ARFGEF1: variants seen among roughly 807,000 people sequenced by gnomAD.
ARFGEF1 encodes brefeldin A-inhibited guanine nucleotide-exchange protein 1.
Under a neutral mutation model 231.0 loss-of-function variants are expected in ARFGEF1, and 42 were observed. The ratio of observed to expected loss-of-function variants is 0.18; its 90% CI spans 0.14 to 0.24. The LOEUF (loss-of-function observed/expected upper bound fraction) is 0.24. Ranked by LOEUF, ARFGEF1 falls within the 10% of genes least tolerant of loss-of-function variation. The pLI is 1.00. For synonymous variants in ARFGEF1, 710 were observed against 732.3 expected, an observed-to-expected ratio of 0.97 and a Z score of 0.49; for missense variants, 1,345 against 2,192.0, an observed-to-expected ratio of 0.61 and a Z score of 7.72.
chr8:67,206,949 G>C (rs1005259525), intron 34 of ARFGEF1: 2 of 152,120 alleles, frequency 1.3e-5, no homozygotes, highest in Non-Finnish European at 2.9e-5. Flanking sequence ...AGGGATTTTG[G>C]GGGGCAGAAA....
In ARFGEF1 at chr8:67,228,292, A is replaced by G. The variant is rs774610547; in HGVS notation, c.3381-28T>C. On this transcript the variant is annotated intron_variant, in intron 23 of 38. Transcript: ENST00000262215. Reference sequence around the variant, plus strand: ...AGGGAAAATAAAACACAATTTAAAAAATTTATAAGTTACTGTTCTTATTCC... The same window carrying G: ...AGGGAAAATAAAACACAATTTAAAAGATTTATAAGTTACTGTTCTTATTCC... The G allele has an allele frequency of 5.0e-6, 8 of 1,585,518 alleles. No homozygotes were observed. In the African/African-American group the frequency reaches 8.1e-5, roughly 16 times the overall value.
At position 67,343,556 on chromosome 8, in the gene ARFGEF1, T is replaced by G; in HGVS notation, c.-269A>C. The G allele has an allele frequency of 8.9e-7, 1 of 1,120,016 alleles. No homozygotes were observed. Among genetic ancestry groups the G allele is most frequent in the African/African-American group, 1.7e-5 (1 of 60,186 alleles). The allele number at this position is 1,120,016 out of a possible 1,614,324, so 69.4% of individuals were successfully genotyped here. A position where few individuals can be genotyped will look rare whatever the true frequency, so the allele number is the denominator to read the frequency against. On this transcript the variant is annotated 5_prime_UTR_variant, in exon 1 of 39. Transcript: ENST00000262215. ...GCCTCCGCTTCTCCCGGCCCGGGGGTCGCGTCCCGGCCGCCCCTCTCACTC... is the reference window on the plus strand; with the variant it reads ...GCCTCCGCTTCTCCCGGCCCGGGGGGCGCGTCCCGGCCGCCCCTCTCACTC...
In ARFGEF1 at chr8:67,201,712, G is replaced by T. The variant is rs565225503; in HGVS notation, c.5129-107C>A. ...TGTTTGTGCTCAGCCATCAGCATCTGCTGCTTACAAAACGGAGCCACAGCA... is the reference window on the plus strand; with the variant it reads ...TGTTTGTGCTCAGCCATCAGCATCTTCTGCTTACAAAACGGAGCCACAGCA... On this transcript the variant is annotated intron_variant, in intron 36 of 38. Coordinates refer to ENST00000262215, the MANE Select transcript of ARFGEF1 (RefSeq NM_006421.5). 2.7e-5 allele frequency: 40 copies of T among 1,458,022 alleles called. No individual in the cohort carries two copies. In the South Asian group the frequency reaches 4.9e-4, roughly 18 times the overall value. The allele number at this position is 1,458,022 out of a possible 1,614,324, so 90.3% of individuals were successfully genotyped here.
At chr8:67,183,324 C>T (rs1833509929) in intron 5 of ARFGEF1, among the ~76,000 whole-genome samples, 1 of 152,182 alleles carries the variant, frequency 6.6e-6, no homozygotes, top group Non-Finnish European at 1.5e-5. Flanking sequence ...AAGACAACTT[C>T]ATTAACAACA....
intron 5 of ARFGEF1, among the ~76,000 whole-genome samples, chr8:67,184,705 CAG>C (rs1356792730): frequency 6.7e-6 from 1 of 149,536 alleles, no homozygotes; most frequent in Non-Finnish European, 1.5e-5. Flanking sequence ...GCCTGCATGA[CAG>C]AGTGAGATTC....
chr8:67,201,772 C>T (rs1237623172), intron 36 of ARFGEF1, 167 bp from the exon 37 acceptor site: 5 of 872,290 alleles, frequency 5.7e-6, no homozygotes, highest in Non-Finnish European at 8.7e-6. Context: ...GTCCAGAATT[C>T]CCTCCCTATT....
intron 23 of ARFGEF1, among the ~76,000 whole-genome samples, chr8:67,229,559 A>G (rs1839488046): frequency 6.6e-6 from 1 of 152,090 alleles, no homozygotes; most frequent in East Asian, 1.9e-4. Flanking sequence ...TGAAGCAGTA[A>G]TTCCAAAATC....
chr8:67,308,280 G>A (rs1272856392), intron 1 of ARFGEF1, among the ~76,000 whole-genome samples: 8 of 152,320 alleles, frequency 5.3e-5, no homozygotes, highest in South Asian at 4.1e-4. Context: ...TAAGTCTTGG[G>A]TGGTTTATTA....
chr8:67,238,658 G>A, intron 21 of ARFGEF1, 77 bp downstream of exon 21: 3 of 1,516,672 alleles, frequency 2.0e-6, no homozygotes, highest in Non-Finnish European at 2.7e-6. Context: ...TAACATTTAG[G>A]CATGTCAATG....
intron 10 of ARFGEF1, 151 bp from the exon 11 acceptor site, chr8:67,267,593 G>T (rs1804900370): frequency 1.7e-6 from 1 of 575,960 alleles, no homozygotes; most frequent in Admixed American, 3.3e-5. Context: ...GAATCCTCAG[G>T]ACTAAAATAT....
At chr8:67,240,700 T>A (rs764086990) in intron 19 of ARFGEF1, among the ~76,000 whole-genome samples, 1 of 152,198 alleles carries the variant, frequency 6.6e-6, no homozygotes, top group Non-Finnish European at 1.5e-5. Context: ...AACATTATTA[T>A]CTTTTCTTTA....
chr8:67,215,081 C>T (rs1838879706), intron 33 of ARFGEF1, among the ~76,000 whole-genome samples: 1 of 152,192 alleles, frequency 6.6e-6, no homozygotes, highest in South Asian at 2.1e-4. Context: ...GCAATGAGAT[C>T]GTATATCTTA....
intron 7 of ARFGEF1, among the ~76,000 whole-genome samples, chr8:67,278,512 A>G (rs552635121): frequency 6.6e-6 from 1 of 152,288 alleles, no homozygotes; most frequent in Non-Finnish European, 1.5e-5. Context: ...CCCTACCCAG[A>G]AGTTGCTTTC....
chr8:67,220,374 G>A (rs958556250), intron 29 of ARFGEF1, among the ~76,000 whole-genome samples: 2 of 152,174 alleles, frequency 1.3e-5, no homozygotes, highest in African/African-American at 4.8e-5. Flanking sequence ...GAGTAAAACA[G>A]AACAAAATTT....
In ARFGEF1 at chr8:67,227,225, C is replaced by T; in HGVS notation, c.3828G>A (p.Lys1276=). The part of the protein sequence containing the change: ...SQAANIRSGW[K]NIFSVFHLAA... ...CTAGATGAAATACAGAGAAAATGTT[C>T]TTCCATCCAGATCGAATGTTAGCAG... The change falls in exon 27 of 39, where the codon AAG becomes AAA. Residue 1276 remains lysine, a synonymous_variant. Transcript: ENST00000262215. 1 of 1,612,916 alleles carries T rather than the reference C, an allele frequency of 6.2e-7. No individual in the cohort carries two copies. Among genetic ancestry groups the T allele is most frequent in the Non-Finnish European group, 8.5e-7 (1 of 1,179,126 alleles).
chr8:67,179,701 T>C (rs866712338), intron 5 of ARFGEF1, among the ~76,000 whole-genome samples: 24 of 152,190 alleles, frequency 1.6e-4, no homozygotes, highest in African/African-American at 5.1e-4. Flanking sequence ...GTGTTAAGGC[T>C]TTCCAGTATT....
At chr8:67,214,465 G>C (rs1186263525) in intron 33 of ARFGEF1, among the ~76,000 whole-genome samples, 10 of 152,198 alleles carry the variant, frequency 6.6e-5, no homozygotes, top group Non-Finnish European at 1.2e-4. Context: ...TAAGCAAAAA[G>C]AAACTGCCAG....
At chr8:67,192,784 T>G (rs900272429), downstream of ARFGEF1, among the ~76,000 whole-genome samples, 3 of 152,122 alleles carry the variant, frequency 2.0e-5, no homozygotes, top group Non-Finnish European at 4.4e-5. Flanking sequence ...CACTGCATTT[T>G]GTTAACTCCG....
At chr8:67,243,051 C>T (rs928696230) in intron 19 of ARFGEF1, among the ~76,000 whole-genome samples, 2 of 152,182 alleles carry the variant, frequency 1.3e-5, no homozygotes, top group Non-Finnish European at 2.9e-5. Context: ...GTCCCTGGCT[C>T]CAAGATAGTA....
Sources: gnomAD v4.1 joint callset for allele counts (sites outside exome capture counted in the v4.1 genomes callset) on GRCh38, gnomAD v4.1.1 for gene constraint, MANE v1.5 for transcripts, NCBI Gene and HGNC (gene_info 2026-07-23, HGNC 2026-07-21) for gene names.